The following GNAI3 variants were observed in gnomAD, a reference collection of about 807,000 sequenced individuals.
GNAI3 encodes G protein subunit alpha i3.
Under a neutral mutation model 41.8 loss-of-function variants are expected in GNAI3, and 12 were observed. The ratio of observed to expected loss-of-function variants is 0.29; its 90% CI spans 0.18 to 0.47. The LOEUF (loss-of-function observed/expected upper bound fraction) is 0.47, where lower values mean the gene tolerates loss of function less well. GNAI3 is among the 20% of genes least tolerant of loss of function. The pLI is 1.00. For missense variants in GNAI3, 360 were observed against 429.6 expected, an observed-to-expected ratio of 0.84 and a Z score of 1.43; for synonymous variants, 132 against 146.5, an observed-to-expected ratio of 0.90 and a Z score of 0.71.
At chr1:109,579,103 CTT>C in intron 3 of GNAI3, 99 bp from the exon 4 acceptor site, 2 of 948,542 alleles carry the variant, frequency 2.1e-6, no homozygotes, top group South Asian at 1.8e-5. Flanking sequence ...AACAACACCT[CTT>C]TTAACATAAC....
At chr1:109,584,460 TTA>T (rs1368738604) in intron 5 of GNAI3, among the ~76,000 whole-genome samples, 4 of 152,248 alleles carry the variant, frequency 2.6e-5, no homozygotes, top group Non-Finnish European at 5.9e-5. Flanking sequence ...ATTGGTGTTG[TTA>T]TATAAATCAG....
chr1:109,578,868 T>C (rs958677615), intron 3 of GNAI3, among the ~76,000 whole-genome samples: 5 of 152,196 alleles, frequency 3.3e-5, no homozygotes, highest in African/African-American at 4.8e-5. Flanking sequence ...CATAATCCTG[T>C]CTCATAAACC....
chr1:109,583,526 G>A (rs1173524181), intron 5 of GNAI3, among the ~76,000 whole-genome samples: 1 of 151,168 alleles, frequency 6.6e-6, no homozygotes, highest in Non-Finnish European at 1.5e-5. Context: ...AACTGTGATT[G>A]TTTTAGAGAG....
intron 1 of GNAI3, among the ~76,000 whole-genome samples, chr1:109,566,544 C>G (rs1278537457): frequency 4.6e-5 from 7 of 152,020 alleles, no homozygotes; most frequent in African/African-American, 1.4e-4. Context: ...CCTTGAAAAG[C>G]CGTTTGAATG....
chr1:109,563,906 T>C (rs1648381062), intron 1 of GNAI3, among the ~76,000 whole-genome samples: 1 of 152,182 alleles, frequency 6.6e-6, no homozygotes, highest in South Asian at 2.1e-4. Context: ...GGTACACAGA[T>C]TTTTTGTTAC....
intron 1 of GNAI3, among the ~76,000 whole-genome samples, chr1:109,569,047 C>A (rs955092565): frequency 6.6e-6 from 1 of 152,134 alleles, no homozygotes; most frequent in Non-Finnish European, 1.5e-5. Flanking sequence ...GATTGCCTTG[C>A]CTCTTTTATT....
At position 109,548,782 on chromosome 1, in the gene GNAI3, G is replaced by A. The variant is rs758232853; in HGVS notation, c.62G>A (p.Arg21His). 123 of 1,612,996 alleles carry A rather than the reference G, an allele frequency of 7.6e-5. No homozygotes were observed. In the Admixed American group the frequency reaches 1.9e-3, roughly 25 times the overall value. ...GTGGAGCGAAGCAAGATGATCGACC[G>A]CAACTTACGGGAGGACGGGGAAAAA... The part of the protein sequence containing the change: ...AAVERSKMID[R>H]NLREDGEKAA... Residue 21 changes from arginine to histidine, a missense_variant, in exon 1 of 9, where the codon CGC (arginine) becomes CAC (histidine). Coordinates refer to ENST00000369851, the MANE Select transcript of GNAI3 (RefSeq NM_006496.4).
At chr1:109,549,236 G>T (rs1410280668) in intron 1 of GNAI3, among the ~76,000 whole-genome samples, 1 of 152,198 alleles carries the variant, frequency 6.6e-6, no homozygotes, top group African/African-American at 2.4e-5. Context: ...CTTGTATAAT[G>T]GTTTGTGAGT....
chr1:109,573,957 A>G lies in GNAI3; in HGVS notation c.223A>G (p.Ser75Gly), dbSNP rs1282184445. 2 of 1,604,816 alleles carry G rather than the reference A, an allele frequency of 1.2e-6. No individual in the cohort carries two copies. Among genetic ancestry groups the G allele is most frequent in the African/African-American group, 2.7e-5 (2 of 74,896 alleles). ...ECKQYKVVVYSNTIQSIIAII... is the reference protein window; with the variant it reads ...ECKQYKVVVYGNTIQSIIAII... ...TAAACAATATAAAGTAGTTGTCTAC[A>G]GCAATACTATACAGTCCATCATTGC... The change falls in exon 3 of 9, where the codon AGC becomes GGC. Residue 75 changes from serine to glycine, a missense_variant. Transcript: ENST00000369851.
At chr1:109,551,263 C>G (rs1408221896) in intron 1 of GNAI3, among the ~76,000 whole-genome samples, 1 of 152,174 alleles carries the variant, frequency 6.6e-6, no homozygotes, top group African/African-American at 2.4e-5. Context: ...CTTGCTTGAG[C>G]CATATCATAA....
intron 1 of GNAI3, among the ~76,000 whole-genome samples, chr1:109,555,968 G>GCGTGCGTGCGTGCA (rs1648134463): frequency 1.6e-4 from 11 of 67,338 alleles, no homozygotes; most frequent in Non-Finnish European, 3.2e-4. Context: ...GCGTGCGTGT[G>GCGTGCGTGCGTGCA]TGTGTGTGTG....
intron 7 of GNAI3, among the ~76,000 whole-genome samples, chr1:109,591,353 T>G (rs1649164867): frequency 6.6e-6 from 1 of 152,200 alleles, no homozygotes; most frequent in Non-Finnish European, 1.5e-5. Flanking sequence ...TATTGCCATC[T>G]TTTAGTAACA....
At chr1:109,563,716 T>C (rs1416761767) in intron 1 of GNAI3, among the ~76,000 whole-genome samples, 2 of 152,224 alleles carry the variant, frequency 1.3e-5, no homozygotes. Flanking sequence ...ACAAACCATA[T>C]AGTGCCATGT....
At chr1:109,553,889 G>A (rs1259759759) in intron 1 of GNAI3, among the ~76,000 whole-genome samples, 3 of 152,054 alleles carry the variant, frequency 2.0e-5, no homozygotes, top group African/African-American at 4.8e-5. Flanking sequence ...CCCAAAGTCC[G>A]TTGTATCATT....
intron 4 of GNAI3, among the ~76,000 whole-genome samples, chr1:109,580,557 A>G (rs1218794720): frequency 6.6e-6 from 1 of 152,226 alleles, no homozygotes; most frequent in East Asian, 1.9e-4. Flanking sequence ...TGAACATTGT[A>G]GAGTATGCGT....
intron 7 of GNAI3, chr1:109,591,787 A>T: frequency 5.1e-6 from 2 of 395,078 alleles, no homozygotes; most frequent in Non-Finnish European, 9.0e-6. Flanking sequence ...GAAAAGTCTA[A>T]ATGAAAAGGT....
Position 109,573,948 on chromosome 1 carries a change from G to C in GNAI3, c.214G>C (p.Val72Leu), listed in dbSNP as rs766032672. The C allele has an allele frequency of 6.2e-7, 1 of 1,602,158 alleles. No homozygotes were observed. Among genetic ancestry groups the C allele is most frequent in the South Asian group, 1.1e-5 (1 of 90,756 alleles). Reference sequence around the variant, plus strand: ...GGATGAATGTAAACAATATAAAGTAGTTGTCTACAGCAATACTATACAGTC... The same window carrying C: ...GGATGAATGTAAACAATATAAAGTACTTGTCTACAGCAATACTATACAGTC... ...SEDECKQYKVVVYSNTIQSII... is the reference protein window; with the variant it reads ...SEDECKQYKVLVYSNTIQSII... Residue 72 changes from valine (V) to leucine (L), a missense_variant, in exon 3 of 9, where the codon GTT (valine) becomes CTT (leucine). By Grantham distance (32) the Val-to-Leu change is conservative. Coordinates refer to ENST00000369851, the MANE Select transcript of GNAI3 (RefSeq NM_006496.4).
Position 109,564,485 on chromosome 1 carries a change from G to A in GNAI3, c.119-9252G>A, listed in dbSNP as rs184607401. 6.6e-3 allele frequency among the ~76,000 whole-genome samples: 995 copies of A among 151,872 alleles called. 12 individuals carry two copies. The highest frequency in any genetic ancestry group is 0.051 in the South Asian group (244 of 4,814). On this transcript the variant is annotated intron_variant, in intron 1 of 8. Transcript: ENST00000369851. ...CCTTTAAGTCACTGCATATTTTTCT[G>A]TTCTCTTCTCTCCAGACCAACCTTC... is the stretch of plus-strand genomic sequence containing the variant.
intron 7 of GNAI3, among the ~76,000 whole-genome samples, chr1:109,587,999 TTTA>T (rs1220690899): frequency 1.3e-5 from 2 of 152,194 alleles, no homozygotes; most frequent in Non-Finnish European, 2.9e-5. Context: ...GTGTATCTTT[TTTA>T]TTATTCTTTC....
Sources: allele counts gnomAD v4.1 joint callset (sites outside exome capture counted in the v4.1 genomes callset), GRCh38; gene constraint gnomAD v4.1.1; transcripts MANE v1.5; gene names NCBI Gene and HGNC (gene_info 2026-07-23, HGNC 2026-07-21).